The following UGT2A1 variants were observed in gnomAD, a reference collection of about 807,000 sequenced individuals.
The protein encoded by UGT2A1 is UDP glucuronosyltransferase family 2 member A1 complex locus, also known as UDP-glucuronosyltransferase 2A1.
UGT2A1 carries 61 observed loss-of-function variants against 45.4 expected under a neutral mutation model. That is an observed-to-expected ratio of 1.34 (90% CI 1.09 to 1.66). UGT2A1 has a LOEUF of 1.66. Ranked by LOEUF, UGT2A1 falls within the 40% of genes most tolerant of loss-of-function variation. UGT2A1 has a pLI of 0.00. For synonymous variants in UGT2A1, 229 were observed against 196.2 expected (o/e 1.17, Z -1.40); for missense variants, 649 against 574.3 (o/e 1.13, Z -1.33).
chr4:69,605,977 T>C lies in UGT2A1; in HGVS notation c.848-6583A>G, dbSNP rs934588113. ...GTCCAGGACCAGATGGATTCACAGC[T>C]GAATTCTACCAGAAGTACAAGGAGG... On this transcript the variant is annotated intron_variant, in intron 3 of 6. Transcript: ENST00000286604. Among the ~76,000 whole-genome samples the C allele has an allele frequency of 1.0e-4, 14 of 136,718 alleles. 3 individuals are homozygous for C. Among genetic ancestry groups the C allele is most frequent in the Admixed American group, 3.6e-4 (5 of 13,914 alleles). The allele number at this position is 136,718 out of a possible 152,430, so 89.7% of individuals were successfully genotyped here. A position where few individuals can be genotyped will look rare whatever the true frequency, so the allele number is the denominator to read the frequency against.
intron 2 of UGT2A1, chr4:69,638,829 C>T (rs977291982): frequency 8.3e-6 from 12 of 1,449,344 alleles, no homozygotes; most frequent in East Asian, 2.5e-5. Flanking sequence ...GAATGGAAAT[C>T]GTTTGCCATA....
In UGT2A1 at chr4:69,647,018, T is replaced by C. The variant is rs1578009427; in HGVS notation, c.627A>G (p.Arg209=). Reference sequence around the variant, plus strand: ...GGTGGTAGGAGATGAAATTTCTTATTCTGTCAGTGAAAGACATTTGGTCGG... The same window carrying C: ...GGTGGTAGGAGATGAAATTTCTTATCCTGTCAGTGAAAGACATTTGGTCGG... The part of the protein sequence containing the change: ...ELTDQMSFTD[R]IRNFISYHLQ... Residue 209 remains arginine, a synonymous_variant, in exon 2 of 7, where the codon AGA becomes AGG. Transcript: ENST00000286604. The C allele has an allele frequency of 1.2e-6, 2 of 1,612,636 alleles. No homozygotes were observed. The highest frequency in any genetic ancestry group is 1.3e-5 in the African/African-American group (1 of 74,858).
intron 4 of UGT2A1, chr4:69,596,316 C>G (rs544081570): frequency 6.2e-7 from 1 of 1,607,908 alleles, no homozygotes; most frequent in African/African-American, 1.3e-5. Context: ...GGTTTTTGAC[C>G]ATTGATCCCA....
intron 3 of UGT2A1, among the ~76,000 whole-genome samples, chr4:69,622,329 A>T (rs182317160): frequency 6.6e-6 from 1 of 151,972 alleles, no homozygotes; most frequent in East Asian, 1.9e-4. Flanking sequence ...AAAGTTAGAG[A>T]TCAAAACATA....
chr4:69,621,011 T>C (rs1451254643), intron 3 of UGT2A1, among the ~76,000 whole-genome samples: 1 of 151,964 alleles, frequency 6.6e-6, no homozygotes, highest in Non-Finnish European at 1.5e-5. Flanking sequence ...TCAAGATGGA[T>C]TAAAAACATA....
At chr4:69,630,848 C>T (rs1353350657) in intron 3 of UGT2A1, among the ~76,000 whole-genome samples, 1 of 151,968 alleles carries the variant, frequency 6.6e-6, no homozygotes, top group African/African-American at 2.4e-5. Flanking sequence ...ACACAACACA[C>T]AAATATACTA....
chr4:69,652,282 CTTT>C (rs10649712), intron 1 of UGT2A1, among the ~76,000 whole-genome samples: 3 of 119,970 alleles, frequency 2.5e-5, no homozygotes, highest in Non-Finnish European at 1.7e-5. Flanking sequence ...ACTTTATGTC[CTTT>C]TTTTTTTTTT....
At chr4:69,599,492 A>G (rs1719132790) in intron 3 of UGT2A1, 98 bp from the exon 4 acceptor site, 3 of 1,543,738 alleles carry the variant, frequency 1.9e-6, no homozygotes, top group South Asian at 1.2e-5. Flanking sequence ...GCTGTTAAGA[A>G]AAAACTGAAT....
Position 69,606,106 on chromosome 4 carries a change from C to T in UGT2A1, c.848-6712G>A, listed in dbSNP as rs886101861. On this transcript the variant is annotated intron_variant, in intron 3 of 6. Transcript: ENST00000286604. ...GCATCATCCTGATATCAAAGCCTGG[C>T]AGAGACACAACAAAAAAAGAGAATT... Among the ~76,000 whole-genome samples the T allele has an allele frequency of 3.3e-5, 4 of 121,450 alleles. 2 individuals carry two copies. Among genetic ancestry groups the T allele is most frequent in the Non-Finnish European group, 7.1e-5 (4 of 56,434 alleles). 79.7% of individuals were successfully genotyped at this position (121,450 alleles called of 152,430 possible).
At chr4:69,643,593 TATG>T (rs1722133533) in intron 2 of UGT2A1, among the ~76,000 whole-genome samples, 1 of 151,644 alleles carries the variant, frequency 6.6e-6, no homozygotes, top group Non-Finnish European at 1.5e-5. Context: ...CTATCATTAT[TATG>T]ATATCCATGA....
chr4:69,634,141 A>C (rs1286808486), intron 3 of UGT2A1, among the ~76,000 whole-genome samples: 1 of 152,028 alleles, frequency 6.6e-6, no homozygotes, highest in Non-Finnish European at 1.5e-5. Flanking sequence ...GCTACTCCGG[A>C]GGCTGAGGCA....
Position 69,589,477 on chromosome 4 carries a change from C to T in UGT2A1, c.1479G>A (p.Gly493=), listed in dbSNP as rs757568823. The change falls in exon 7 of 7, where the codon GGG becomes GGA. Residue 493 remains glycine, a synonymous_variant. Coordinates refer to ENST00000286604, the MANE Select transcript of UGT2A1 (RefSeq NM_001252275.3). ...WFQYHSLDVI[G]FLLVCVTTAI... ...CCGTTGTCACACAGACCAGCAAGAA[C>T]CCAATTACATCCAAAGAGTGGTACT... is the stretch of plus-strand genomic sequence containing the variant. 1.2e-6 allele frequency: 2 copies of T among 1,613,896 alleles called. No homozygotes were observed. Among genetic ancestry groups the T allele is most frequent in the Non-Finnish European group, 1.7e-6 (2 of 1,180,008 alleles).
chr4:69,640,023 G>T (rs963901311), intron 2 of UGT2A1, among the ~76,000 whole-genome samples: 4 of 151,946 alleles, frequency 2.6e-5, no homozygotes, highest in Admixed American at 1.3e-4. Context: ...AAAATACTAT[G>T]CATTTGATAT....
Position 69,593,967 on chromosome 4 carries a change from C to CTTTTTTTTT in UGT2A1, c.1304+501_1304+509dup, listed in dbSNP as rs200066453. Among the ~76,000 whole-genome samples, 8 of 107,878 alleles carry CTTTTTTTTT rather than the reference C, an allele frequency of 7.4e-5. 1 individual carries two copies. Among genetic ancestry groups the CTTTTTTTTT allele is most frequent in the Non-Finnish European group, 1.1e-4 (6 of 53,444 alleles). The allele number at this position is 107,878 out of a possible 152,430, so 70.8% of individuals were successfully genotyped here. A position where few individuals can be genotyped will look rare whatever the true frequency, so the allele number is the denominator to read the frequency against. ...AAAATATTGAAATAATATTTGAAGT[C>CTTTTTTTTT]TTTTTTTTTGTTTGTTTTTTTTTTT... On this transcript the variant is annotated intron_variant, in intron 6 of 6. Coordinates refer to ENST00000286604, the MANE Select transcript of UGT2A1 (RefSeq NM_001252275.3).
intron 3 of UGT2A1, among the ~76,000 whole-genome samples, chr4:69,602,391 A>T (rs1719344384): frequency 7.3e-6 from 1 of 137,596 alleles, no homozygotes. Flanking sequence ...ACTAATGACA[A>T]CTTTAATTCA....
intron 6 of UGT2A1, among the ~76,000 whole-genome samples, chr4:69,590,785 G>A (rs1718553322): frequency 6.6e-6 from 1 of 151,940 alleles, no homozygotes; most frequent in Non-Finnish European, 1.5e-5. Flanking sequence ...AAGAAAGCAT[G>A]TTTTCCTATA....
chr4:69,599,577 G>C, intron 3 of UGT2A1, 183 bp from the exon 4 acceptor site: 1 of 860,876 alleles, frequency 1.2e-6, no homozygotes, highest in East Asian at 3.3e-5. Flanking sequence ...AGAAAGGAAG[G>C]AGGAAGGAAG....
chr4:69,597,262 T>A (rs1262124816), intron 4 of UGT2A1, among the ~76,000 whole-genome samples: 1 of 152,194 alleles, frequency 6.6e-6, no homozygotes, highest in East Asian at 1.9e-4. Flanking sequence ...CCAACTGTAA[T>A]CACAATGATG....
intron 2 of UGT2A1, among the ~76,000 whole-genome samples, chr4:69,643,028 A>G (rs2109974614): frequency 6.6e-6 from 1 of 151,622 alleles, no homozygotes; most frequent in Non-Finnish European, 1.5e-5. Flanking sequence ...TTGAAGGTAT[A>G]CATTCGAAAC....
Sources: allele counts gnomAD v4.1 joint callset (sites outside exome capture counted in the v4.1 genomes callset), GRCh38; gene constraint gnomAD v4.1.1; transcripts MANE v1.5; gene names NCBI Gene and HGNC (gene_info 2026-07-23, HGNC 2026-07-21).